The following PXN variants were observed in gnomAD, a reference collection of about 807,000 sequenced individuals.
PXN encodes testicular tissue protein Li 134.
A neutral mutation model predicts 103.6 loss-of-function variants in PXN; 61 were observed. The observed-to-expected ratio is 0.59, with a 90% CI of 0.48 to 0.73. PXN has a LOEUF of 0.73. PXN is among the 30% of genes least tolerant of loss of function. The pLI is 0.00. For missense variants in PXN, 1,274 were observed against 1,460.3 expected (o/e 0.87, Z 2.08); for synonymous variants, 562 against 607.8 (o/e 0.92, Z 1.11).
In PXN at chr12:120,234,766, T is replaced by C. The variant is rs146888712; in HGVS notation, c.14-10389A>G. 1.9e-3 allele frequency among the ~76,000 whole-genome samples: 294 copies of C among 152,270 alleles called. No individual in the cohort carries two copies. The Middle Eastern group carries it at 0.02, about 11-fold the overall frequency. On this transcript the variant is annotated intron_variant, in intron 1 of 14. Transcript: ENST00000637617. ...ACAGTGAGTAATGGATGAAAAAGAA[T>C]GTGAGAGCCATCCTGGTGGCTGGGA...
At position 120,258,826 on chromosome 12, in the gene PXN, G is replaced by T. The variant is rs528108158; in HGVS notation, c.13+6791C>A. On this transcript the variant is annotated intron_variant, in intron 1 of 14. Coordinates refer to ENST00000637617, the MANE Select transcript of PXN (RefSeq NM_001385981.1). The stretch of plus-strand genomic sequence containing the variant: ...TGTAATCTCAGCACTTTGGGAGGCC[G>T]AGGTGGGTGGATCACCTGAGGTCGG... 3.9e-5 allele frequency among the ~76,000 whole-genome samples: 6 copies of T among 152,174 alleles called. No homozygotes were observed. In the East Asian group the frequency reaches 1.2e-3, roughly 29 times the overall value.
In PXN at chr12:120,219,661, G is replaced by C. The variant is rs375743989; in HGVS notation, c.1262C>G (p.Pro421Arg). 3.8e-6 allele frequency: 6 copies of C among 1,584,840 alleles called. No homozygotes were observed. In the African/African-American group the frequency reaches 8.0e-5, roughly 21 times the overall value. Residue 421 changes from proline (P) to arginine (R), a missense_variant, in exon 7 of 15, where the codon CCA (proline) becomes CGA (arginine). Transcript: ENST00000637617. This position sits in a 1 kb window ranked among gnomAD's most constrained non-coding sequence, Gnocchi z 6.5. ...CTCCTCTGGGCACGAAGGGCTGGCT[G>C]GTGGCCCCTGGGGCTCCCCAGGCTC... ...LQEPGEPQGP[P>R]ASPSCPEEAL...
In PXN at chr12:120,221,843, C is replaced by T; in HGVS notation, c.696-85G>A. The T allele has an allele frequency of 6.8e-7, 1 of 1,472,596 alleles. No individual in the cohort carries two copies. Among genetic ancestry groups the T allele is most frequent in the Non-Finnish European group, 9.0e-7 (1 of 1,107,604 alleles). The allele number at this position is 1,472,596 out of a possible 1,614,324, so 91.2% of individuals were successfully genotyped here. A position where few individuals can be genotyped will look rare whatever the true frequency, so the allele number is the denominator to read the frequency against. On this transcript the variant is annotated intron_variant, in intron 5 of 14. Transcript: ENST00000637617. This position sits in a 1 kb window ranked among gnomAD's most constrained non-coding sequence, Gnocchi z 6.6. ...TCAGATCGACCTCTCACCTCGGACA[C>T]TGGGGTCTCACCATCCCCAACCCCA... is the stretch of plus-strand genomic sequence containing the variant.
At chr12:120,233,612 G>A (rs763734862) in intron 1 of PXN, among the ~76,000 whole-genome samples, 1 of 152,168 alleles carries the variant, frequency 6.6e-6, no homozygotes, top group Non-Finnish European at 1.5e-5. Flanking sequence ...GGCCCTCACA[G>A]GCCTCTTAGA....
intron 1 of PXN, among the ~76,000 whole-genome samples, chr12:120,263,306 C>T (rs1894163824): frequency 6.6e-6 from 1 of 152,244 alleles, no homozygotes; most frequent in Admixed American, 6.5e-5. Context: ...TCCTCCCACC[C>T]CAGGCTCCGG....
intron 1 of PXN, among the ~76,000 whole-genome samples, chr12:120,240,559 G>A (rs559724140): frequency 1.2e-4 from 18 of 152,268 alleles, no homozygotes; most frequent in South Asian, 2.1e-4. Flanking sequence ...CCATTCCCAA[G>A]TTCAAAGGGT....
At chr12:120,237,569 A>G (rs1364494434) in intron 1 of PXN, among the ~76,000 whole-genome samples, 1 of 152,144 alleles carries the variant, frequency 6.6e-6, no homozygotes, top group Non-Finnish European at 1.5e-5. Context: ...GCAGCGCACC[A>G]TTTGAAACCA....
chr12:120,244,078 T>C (rs1470639074), intron 1 of PXN, among the ~76,000 whole-genome samples: 2 of 151,336 alleles, frequency 1.3e-5, no homozygotes, highest in Non-Finnish European at 2.9e-5. Context: ...GAGCTCACTG[T>C]ATGCAAAGCC....
intron 1 of PXN, chr12:120,226,205 A>G (rs1228596513): frequency 8.0e-7 from 1 of 1,248,512 alleles, no homozygotes; most frequent in South Asian, 1.3e-5. Context: ...CCAATCAGCA[A>G]TGGGTGGATC....
chr12:120,264,158 C>T (rs1032753830), intron 1 of PXN: 4 of 152,264 alleles, frequency 2.6e-5, no homozygotes, highest in African/African-American at 9.7e-5. Context: ...GACCCTACAC[C>T]AACCCCAGCT....
intron 1 of PXN, among the ~76,000 whole-genome samples, chr12:120,247,167 C>G (rs1229765839): frequency 6.6e-6 from 1 of 152,144 alleles, no homozygotes; most frequent in African/African-American, 2.4e-5. Flanking sequence ...GGTTTATATA[C>G]TCCAATTAAA....
Position 120,219,440 on chromosome 12 carries a change from C to T in PXN, c.1483G>A (p.Glu495Lys), listed in dbSNP as rs766764833. ...GAGCTGCTTCCCAGCCTCCCTGGCTCTGGCCTTGGCCTCTCCTGCTGTAGG... is the reference window on the plus strand; with the variant it reads ...GAGCTGCTTCCCAGCCTCCCTGGCTTTGGCCTTGGCCTCTCCTGCTGTAGG... ...HGLQQERPRPEPGRLGSSSPA... is the reference protein window; with the variant it reads ...HGLQQERPRPKPGRLGSSSPA... Residue 495 changes from glutamate (E) to lysine (K), a missense_variant, in exon 7 of 15, where the codon GAG becomes AAG. Glu to Lys is a moderately conservative substitution (Grantham distance 56). Transcript: ENST00000637617. The surrounding 1 kb of genome is among the most constrained non-coding windows in gnomAD (Gnocchi z 6.5). 6 of 1,598,042 alleles carry T rather than the reference C, an allele frequency of 3.8e-6. No homozygotes were observed. The Admixed American group carries it at 1.0e-4, about 27-fold the overall frequency.
In PXN at chr12:120,216,934, C is replaced by CG; in HGVS notation, c.1898dup (p.Ala634GlyfsTer101). ...GCCAGTCCTGGGCAGAGGGCCCCGC[C>CG]GCCTCCGCCGGCTCCTCTGCCTCAG... On this transcript the variant is annotated frameshift_variant, in exon 8 of 15. Coordinates refer to ENST00000637617, the MANE Select transcript of PXN (RefSeq NM_001385981.1). LOFTEE classifies it high-confidence loss of function. This position sits in a 1 kb window ranked among gnomAD's most constrained non-coding sequence, Gnocchi z 5.1. The CG allele has an allele frequency of 6.5e-7, 1 of 1,531,382 alleles. No homozygotes were observed. Among genetic ancestry groups the CG allele is most frequent in the Non-Finnish European group, 8.7e-7 (1 of 1,143,438 alleles). 94.9% of individuals were successfully genotyped at this position (1,531,382 alleles called of 1,614,324 possible).
intron 1 of PXN, among the ~76,000 whole-genome samples, chr12:120,230,635 CT>C (rs1887827756): frequency 1.3e-5 from 2 of 152,080 alleles, no homozygotes; most frequent in Admixed American, 1.3e-4. Flanking sequence ...CCCCCTCCCC[CT>C]GGCTCCAAGT....
At position 120,265,482 on chromosome 12, in the gene PXN, C is replaced by T. The variant is rs530125787; in HGVS notation, c.13+135G>A. Reference sequence around the variant, plus strand: ...TAGGGATCCCAGCCCCGCGGAGCCCCGGCCGGCAGGGACAGGAGCTGAGGC... The same window carrying T: ...TAGGGATCCCAGCCCCGCGGAGCCCTGGCCGGCAGGGACAGGAGCTGAGGC... On this transcript the variant is annotated intron_variant, in intron 1 of 14. Coordinates refer to ENST00000637617, the MANE Select transcript of PXN (RefSeq NM_001385981.1). This position sits in a 1 kb window ranked among gnomAD's most constrained non-coding sequence, Gnocchi z 5.7. The T allele has an allele frequency of 4.6e-5, 48 of 1,042,410 alleles. No individual in the cohort carries two copies. In the South Asian group the frequency reaches 5.1e-4, roughly 11 times the overall value. The allele number at this position is 1,042,410 out of a possible 1,614,324, so 64.6% of individuals were successfully genotyped here. A position where few individuals can be genotyped will look rare whatever the true frequency, so the allele number is the denominator to read the frequency against.
At chr12:120,259,609 C>T (rs1354594499) in intron 1 of PXN, among the ~76,000 whole-genome samples, 1 of 152,168 alleles carries the variant, frequency 6.6e-6, no homozygotes, top group Non-Finnish European at 1.5e-5. Flanking sequence ...CTACCACTGG[C>T]CCAGCATCCA....
chr12:120,232,888 T>C (rs966421696), intron 1 of PXN, among the ~76,000 whole-genome samples: 1 of 152,240 alleles, frequency 6.6e-6, no homozygotes, highest in Non-Finnish European at 1.5e-5. Context: ...CTTCCCCTTT[T>C]TTCAGGCAGC....
rs1213831791 is a variant in PXN at position 120,216,123 on chromosome 12, G to A, written c.2301+150C>T. ...GGGGAAGACCGGGGTCAAGGTTTAC[G>A]GCAGGACTGTGGTTACTGTGCTGGG... is the stretch of plus-strand genomic sequence containing the variant. On this transcript the variant is annotated intron_variant, in intron 9 of 14. Coordinates refer to ENST00000637617, the MANE Select transcript of PXN (RefSeq NM_001385981.1). This position sits in a 1 kb window ranked among gnomAD's most constrained non-coding sequence, Gnocchi z 5.1. 1.2e-5 allele frequency: 16 copies of A among 1,283,524 alleles called. No individual in the cohort carries two copies. Among genetic ancestry groups the A allele is most frequent in the Admixed American group, 3.8e-5 (1 of 26,378 alleles). The allele number at this position is 1,283,524 out of a possible 1,614,324, so 79.5% of individuals were successfully genotyped here. A position where few individuals can be genotyped will look rare whatever the true frequency, so the allele number is the denominator to read the frequency against.
chr12:120,216,443 A>C lies in PXN; in HGVS notation c.2131T>G (p.Ser711Ala). ...SSPLPSLLAS[S>A]PLGPSAYTCG... Reference sequence around the variant, plus strand: ...GTATAAGCTGAGGGCCCCAGGGGGGAGGAGGCGAGCAGGCTGGGCAGGGGA... The same window carrying C: ...GTATAAGCTGAGGGCCCCAGGGGGGCGGAGGCGAGCAGGCTGGGCAGGGGA... Residue 711 changes from serine (S) to alanine (A), a missense_variant, in exon 9 of 15, where the codon TCC (serine) becomes GCC (alanine). By Grantham distance (99) the Ser-to-Ala change is moderately conservative. Coordinates refer to ENST00000637617, the MANE Select transcript of PXN (RefSeq NM_001385981.1). This position sits in a 1 kb window ranked among gnomAD's most constrained non-coding sequence, Gnocchi z 5.1. 1 of 1,373,198 alleles carries C rather than the reference A, an allele frequency of 7.3e-7. No individual in the cohort carries two copies. Among genetic ancestry groups the C allele is most frequent in the South Asian group, 1.8e-5 (1 of 55,730 alleles). 85.1% of individuals were successfully genotyped at this position (1,373,198 alleles called of 1,614,324 possible).
Sources: allele counts gnomAD v4.1 joint callset (sites outside exome capture counted in the v4.1 genomes callset), GRCh38; gene constraint gnomAD v4.1.1; non-coding constraint Gnocchi (gnomAD v3.1); transcripts MANE v1.5; gene names NCBI Gene and HGNC (gene_info 2026-07-23, HGNC 2026-07-21).